The following CHODL variants were observed in gnomAD, a reference collection of about 807,000 sequenced individuals.
The protein encoded by CHODL is chondrolectin.
CHODL carries 29 observed loss-of-function variants against 34.5 expected under a neutral mutation model. The observed-to-expected ratio is 0.84, with a 90% CI of 0.63 to 1.15. CHODL has a LOEUF of 1.15. Among genes scored for constraint, CHODL ranks in the 50% most tolerant of loss-of-function variants. The probability of loss-of-function intolerance (pLI) is 0.00; values close to 1 mark genes in which losing one functional copy is unlikely to be tolerated. For synonymous variants in CHODL, 125 were observed against 116.1 expected (o/e 1.08, Z -0.49); for missense variants, 332 against 332.5 (o/e 1.00, Z 0.01).
chr21:18,239,499 GC>G (rs142108799), intron 2 of CHODL, among the ~76,000 whole-genome samples: 10,137 of 151,874 alleles, frequency 0.067, 425 homozygotes, highest in Non-Finnish European at 0.096. Flanking sequence ...ACAGTTTATT[GC>G]TATTATGGCT....
chr21:18,232,953 A>T (rs1034024311), intron 2 of CHODL, among the ~76,000 whole-genome samples: 1 of 140,072 alleles, frequency 7.1e-6, no homozygotes, highest in African/African-American at 2.9e-5. Context: ...ATATATATAT[A>T]TATATATATA....
intron 1 of CHODL, among the ~76,000 whole-genome samples, chr21:18,025,554 T>A (rs541404338): frequency 6.6e-6 from 1 of 152,342 alleles, no homozygotes; most frequent in Admixed American, 6.5e-5. Flanking sequence ...AATACATATT[T>A]CATAGCATTC....
intron 2 of CHODL, among the ~76,000 whole-genome samples, chr21:18,100,462 C>G (rs1299801136): frequency 6.6e-6 from 1 of 151,978 alleles, no homozygotes; most frequent in South Asian, 2.1e-4. Context: ...GGGATGGTGA[C>G]TGTTTGGTTT....
chr21:18,145,671 T>C (rs1219425226), intron 2 of CHODL, among the ~76,000 whole-genome samples: 3 of 152,204 alleles, frequency 2.0e-5, no homozygotes, highest in Non-Finnish European at 4.4e-5. Flanking sequence ...AATATATTAC[T>C]GTGTTTCTAA....
chr21:18,241,237 G>T (rs1358919486), upstream of CHODL, among the ~76,000 whole-genome samples: 1 of 147,044 alleles, frequency 6.8e-6, no homozygotes, highest in African/African-American at 2.5e-5. Flanking sequence ...TGATAACCAA[G>T]CATTACTCAG....
intron 1 of CHODL, among the ~76,000 whole-genome samples, chr21:18,249,700 G>A (rs1046779437): frequency 6.6e-6 from 1 of 152,182 alleles, no homozygotes; most frequent in African/African-American, 2.4e-5. Flanking sequence ...GTAAAAGCAT[G>A]GAGTGTAGAG....
At chr21:18,108,285 C>T (rs940767502) in intron 2 of CHODL, among the ~76,000 whole-genome samples, 1 of 152,060 alleles carries the variant, frequency 6.6e-6, no homozygotes, top group Non-Finnish European at 1.5e-5. Flanking sequence ...GAACCAGCAA[C>T]CAATTTAGGG....
intron 2 of CHODL, among the ~76,000 whole-genome samples, chr21:18,063,340 G>A (rs1449238608): frequency 6.6e-6 from 1 of 152,158 alleles, no homozygotes; most frequent in Non-Finnish European, 1.5e-5. Flanking sequence ...TTTGAACTTT[G>A]TAATTAAGAT....
At chr21:18,031,425 G>C (rs1442115954) in intron 2 of CHODL, among the ~76,000 whole-genome samples, 1 of 152,086 alleles carries the variant, frequency 6.6e-6, no homozygotes, top group East Asian at 1.9e-4. Context: ...TAATAATAGA[G>C]AAGAAGAAGC....
In CHODL at chr21:18,150,082, C is replaced by T. The variant is rs550534097; in HGVS notation, c.-44-106427C>T. ...GGTTTGGTCCAGAAAGGTGGGACAA[C>T]TTGAAGCAGGGGCTTCCAGGTTATA... On this transcript the variant is annotated intron_variant, in intron 2 of 6. Transcript: ENST00000400127. Among the ~76,000 whole-genome samples, 5 of 152,252 alleles carry T rather than the reference C, an allele frequency of 3.3e-5. No homozygotes were observed. The South Asian group carries it at 1.0e-3, about 32-fold the overall frequency.
rs140329647 is a variant in CHODL, at chr21:18,091,297, G to A, written c.-45+63326G>A. 5.2e-3 allele frequency among the ~76,000 whole-genome samples: 798 copies of A among 152,338 alleles called. 2 individuals are homozygous for A. The highest frequency in any genetic ancestry group is 0.017 in the African/African-American group (725 of 41,588). On this transcript the variant is annotated intron_variant, in intron 2 of 6. Coordinates refer to the CHODL transcript ENST00000400127. ...CGAGGACACGTAGGACACAAGGACT[G>A]CAATGACTAGGCAACTCAGTGCTAG...
At chr21:18,150,655 T>A (rs1397569760) in intron 2 of CHODL, among the ~76,000 whole-genome samples, 2 of 152,064 alleles carry the variant, frequency 1.3e-5, no homozygotes, top group Non-Finnish European at 2.9e-5. Flanking sequence ...GTGACCTAAT[T>A]ACCTCCTATG....
At chr21:18,017,525 G>T (rs139398387) in intron 1 of CHODL, among the ~76,000 whole-genome samples, 43 of 152,318 alleles carry the variant, frequency 2.8e-4, no homozygotes, top group Non-Finnish European at 6.3e-4. Context: ...CATAAGCCTT[G>T]GTGGCTTCTG....
chr21:18,081,642 T>C (rs1467901701), intron 2 of CHODL, among the ~76,000 whole-genome samples: 3 of 150,530 alleles, frequency 2.0e-5, no homozygotes, highest in Non-Finnish European at 4.4e-5. Context: ...GATTGTACCA[T>C]TGCACTCCAG....
intron 2 of CHODL, among the ~76,000 whole-genome samples, chr21:18,209,067 A>C (rs1173738405): frequency 1.3e-5 from 2 of 152,154 alleles, no homozygotes; most frequent in Admixed American, 1.3e-4. Flanking sequence ...TACAATCAGC[A>C]GGTGTCAAAG....
chr21:18,116,801 A>G (rs1437816420), intron 2 of CHODL, among the ~76,000 whole-genome samples: 1 of 152,214 alleles, frequency 6.6e-6, no homozygotes, highest in African/African-American at 2.4e-5. Context: ...TTTGGGGCTC[A>G]GACAGTTTTG....
intron 2 of CHODL, among the ~76,000 whole-genome samples, chr21:18,192,539 T>G (rs1481279585): frequency 6.6e-6 from 1 of 152,192 alleles, no homozygotes; most frequent in Non-Finnish European, 1.5e-5. Flanking sequence ...TTATATAGCT[T>G]AATTCAAAAA....
At chr21:18,009,501 T>C (rs1325164895) in intron 1 of CHODL, among the ~76,000 whole-genome samples, 1 of 152,108 alleles carries the variant, frequency 6.6e-6, no homozygotes, top group African/African-American at 2.4e-5. Context: ...TTTAATTATA[T>C]AGTAAAGCAT....
intron 2 of CHODL, among the ~76,000 whole-genome samples, chr21:18,081,661 A>G (rs1413379664): frequency 6.6e-6 from 1 of 151,456 alleles, no homozygotes; most frequent in Non-Finnish European, 1.5e-5. Context: ...AGCCTGGGCA[A>G]GAAGAGAGAA....
Sources: allele counts gnomAD v4.1 joint callset (sites outside exome capture counted in the v4.1 genomes callset), GRCh38; gene constraint gnomAD v4.1.1; transcripts MANE v1.5; gene names NCBI Gene and HGNC (gene_info 2026-07-23, HGNC 2026-07-21).